Variants in DNAH9 observed in about 807,000 individuals in gnomAD.
DNAH9 encodes the protein dynein axonemal heavy chain 9.
DNAH9 carries 345 observed loss-of-function variants against 471.6 expected under a neutral mutation model. The ratio of observed to expected loss-of-function variants is 0.73; its 90% confidence interval spans 0.67 to 0.80. The LOEUF is 0.80. DNAH9 is among the 30% of genes least tolerant of loss of function. DNAH9 has a pLI of 0.00. For synonymous variants in DNAH9, 2,093 were observed against 2,123.6 expected, an observed-to-expected ratio of 0.99 and a Z score of 0.40; for missense variants, 5,407 against 5,609.2, an observed-to-expected ratio of 0.96 and a Z score of 1.15.
intron 61 of DNAH9, among the ~76,000 whole-genome samples, chr17:11,922,225 AAC>A (rs1015744545): frequency 3.8e-4 from 58 of 152,344 alleles, no homozygotes; most frequent in African/African-American, 1.4e-3. Context: ...ATTCAATATG[AAC>A]ACTTGTTTCC....
chr17:11,661,895 A>G (rs1281778268), intron 14 of DNAH9, among the ~76,000 whole-genome samples: 4 of 152,178 alleles, frequency 2.6e-5, no homozygotes, highest in African/African-American at 4.8e-5. Context: ...TCACATACTC[A>G]TCATCTTCAG....
intron 43 of DNAH9, among the ~76,000 whole-genome samples, chr17:11,804,058 G>A (rs1969566598): frequency 2.0e-5 from 3 of 152,302 alleles, no homozygotes; most frequent in South Asian, 4.1e-4. Flanking sequence ...TAACAAAAAT[G>A]TATTAGATAC....
chr17:11,687,286 A>C (rs550428410), intron 19 of DNAH9, among the ~76,000 whole-genome samples: 118 of 152,220 alleles, frequency 7.8e-4, no homozygotes, highest in Non-Finnish European at 1.5e-3. Flanking sequence ...TAGATTGAAC[A>C]AGCAGGATTC....
intron 6 of DNAH9, 106 bp downstream of exon 6, chr17:11,619,887 C>T (rs2072819522): frequency 1.5e-6 from 1 of 676,450 alleles, no homozygotes; most frequent in African/African-American, 1.8e-5. Flanking sequence ...CATAGCCAAC[C>T]CTCCATCAGC....
At chr17:11,749,425 C>G (rs543675834) in intron 32 of DNAH9, among the ~76,000 whole-genome samples, 1 of 152,060 alleles carries the variant, frequency 6.6e-6, no homozygotes, top group African/African-American at 2.4e-5. Flanking sequence ...AACCCCTTAT[C>G]TGTCACATGC....
chr17:11,937,046 AAG>A lies in DNAH9; in HGVS notation c.12490-303_12490-302del, dbSNP rs562502515. ...AAGTCCTCCTCTGGTCTGCAGGAAA[AAG>A]AGTCATCAGGGAGGAGTGGGAGGCA... is the stretch of plus-strand genomic sequence containing the variant. On this transcript the variant is annotated intron_variant, in intron 65 of 68. Coordinates refer to ENST00000262442, the MANE Select transcript of DNAH9 (RefSeq NM_001372.4). The surrounding 1 kb of genome is among the most constrained non-coding windows in gnomAD (Gnocchi z 4.1). 1.6e-3 allele frequency among the ~76,000 whole-genome samples: 251 copies of A among 152,314 alleles called. 2 individuals carry two copies. The highest frequency in any genetic ancestry group is 5.3e-3 in the African/African-American group (219 of 41,568).
chr17:11,739,999 C>T (rs2075408617), intron 29 of DNAH9, among the ~76,000 whole-genome samples: 1 of 152,294 alleles, frequency 6.6e-6, no homozygotes, highest in South Asian at 2.1e-4. Flanking sequence ...CGCTGGGCAG[C>T]TCCCTGAGTG....
intron 24 of DNAH9, 125 bp from the exon 25 acceptor site, chr17:11,704,078 G>T: frequency 9.4e-7 from 1 of 1,066,120 alleles, no homozygotes; most frequent in South Asian, 1.4e-5. Context: ...CAGTGCTGGT[G>T]GAAGAGGGAG....
At chr17:11,700,603 G>C (rs996136436) in intron 23 of DNAH9, among the ~76,000 whole-genome samples, 1 of 152,038 alleles carries the variant, frequency 6.6e-6, no homozygotes, top group African/African-American at 2.4e-5. Context: ...TATTTTACAG[G>C]GTTCCACCCT....
chr17:11,714,720 A>G (rs556983739), intron 26 of DNAH9, among the ~76,000 whole-genome samples: 1 of 152,318 alleles, frequency 6.6e-6, no homozygotes, highest in African/African-American at 2.4e-5. Flanking sequence ...CAGCCAGCAG[A>G]AGGGGAAGTC....
At chr17:11,897,487 C>T (rs1389309543) in intron 59 of DNAH9, among the ~76,000 whole-genome samples, 1 of 152,180 alleles carries the variant, frequency 6.6e-6, no homozygotes, top group African/African-American at 2.4e-5. Flanking sequence ...GGCCAGTGGC[C>T]ACCTCATAGG....
At chr17:11,923,581 G>C (rs765122898) in intron 61 of DNAH9, among the ~76,000 whole-genome samples, 8 of 152,198 alleles carry the variant, frequency 5.3e-5, no homozygotes, top group Non-Finnish European at 8.8e-5. Flanking sequence ...AAAGTGCTGG[G>C]ATTACAGGCA....
intron 67 of DNAH9, among the ~76,000 whole-genome samples, chr17:11,956,408 C>T (rs1418443086): frequency 6.6e-6 from 1 of 151,948 alleles, no homozygotes; most frequent in African/African-American, 2.4e-5. Context: ...TTTCAAAACT[C>T]CTCTCTCAAT....
intron 19 of DNAH9, among the ~76,000 whole-genome samples, chr17:11,685,571 T>C (rs2074227390): frequency 6.6e-6 from 1 of 152,034 alleles, no homozygotes; most frequent in African/African-American, 2.4e-5. Context: ...TGAGGCCTGA[T>C]CAGAAGCAGT....
intron 61 of DNAH9, among the ~76,000 whole-genome samples, chr17:11,906,739 C>T (rs1973616162): frequency 6.6e-6 from 1 of 151,894 alleles, no homozygotes; most frequent in African/African-American, 2.4e-5. Flanking sequence ...GAGTTGGAAG[C>T]CATTATCCTC....
chr17:11,896,107 C>T (rs1348874328), intron 59 of DNAH9, among the ~76,000 whole-genome samples: 5 of 152,156 alleles, frequency 3.3e-5, no homozygotes, highest in Non-Finnish European at 5.9e-5. Flanking sequence ...GGCTGTCTTC[C>T]CTTTGTGAGT....
intron 26 of DNAH9, among the ~76,000 whole-genome samples, chr17:11,712,681 G>A (rs1009978823): frequency 2.0e-5 from 3 of 151,924 alleles, no homozygotes; most frequent in Admixed American, 6.6e-5. Context: ...TAATGATGTT[G>A]AGCAACTTTT....
chr17:11,867,038 CCA>C (rs1281269857), intron 50 of DNAH9, among the ~76,000 whole-genome samples: 1 of 152,196 alleles, frequency 6.6e-6, no homozygotes, highest in Non-Finnish European at 1.5e-5. Context: ...TGACCTGTGC[CCA>C]CTCTCTGGCA....
At chr17:11,729,314 G>A (rs2075217281) in intron 28 of DNAH9, among the ~76,000 whole-genome samples, 2 of 152,042 alleles carry the variant, frequency 1.3e-5, no homozygotes, top group Non-Finnish European at 2.9e-5. Flanking sequence ...CTCCTGCTAG[G>A]GGCGGCTGGT....
Sources: gnomAD v4.1 joint callset for allele counts (sites outside exome capture counted in the v4.1 genomes callset) on GRCh38, gnomAD v4.1.1 for gene constraint, Gnocchi (gnomAD v3.1) non-coding constraint, MANE v1.5 for transcripts, NCBI Gene and HGNC (gene_info 2026-07-23, HGNC 2026-07-21) for gene names.